BICD2: variants seen among roughly 807,000 people sequenced by gnomAD.
BICD2 encodes the protein BICD cargo adaptor 2.
In BICD2, 25 loss-of-function variants were observed where a neutral mutation model predicts 72.9. The ratio of observed to expected loss-of-function variants is 0.34; its 90% CI spans 0.25 to 0.48. BICD2 has a LOEUF of 0.48. Ranked by LOEUF, BICD2 falls within the 20% of genes least tolerant of loss-of-function variation. BICD2 has a pLI of 0.99. For missense variants in BICD2, 894 were observed against 1,175.2 expected, an observed-to-expected ratio of 0.76 and a Z score of 3.50; for synonymous variants, 501 against 516.1, an observed-to-expected ratio of 0.97 and a Z score of 0.40.
chr9:92,718,269 G>A (rs183118061), intron 5 of BICD2, among the ~76,000 whole-genome samples: 14 of 152,332 alleles, frequency 9.2e-5, no homozygotes, highest in East Asian at 5.8e-4. Flanking sequence ...GAAGCACTAC[G>A]AGGCAGTCAC....
At chr9:92,750,410 G>A (rs1419498411) in intron 1 of BICD2, among the ~76,000 whole-genome samples, 2 of 151,644 alleles carry the variant, frequency 1.3e-5, no homozygotes, top group Non-Finnish European at 2.9e-5. Context: ...CTTTCAATAG[G>A]TGAACAGATA....
At chr9:92,717,396 G>T (rs1853339092) in intron 6 of BICD2, among the ~76,000 whole-genome samples, 1 of 152,244 alleles carries the variant, frequency 6.6e-6, no homozygotes, top group African/African-American at 2.4e-5. Context: ...GGCTCCTGGG[G>T]GCTGGGCTAG....
chr9:92,747,987 T>C (rs1366578445), intron 1 of BICD2, among the ~76,000 whole-genome samples: 4 of 152,150 alleles, frequency 2.6e-5, no homozygotes, highest in Non-Finnish European at 5.9e-5. Flanking sequence ...GTGCAGAATA[T>C]GAATATGGCT....
At position 92,719,167 on chromosome 9, in the gene BICD2, C is replaced by A. The variant is rs756162689; in HGVS notation, c.1478G>T (p.Arg493Leu). Reference sequence around the variant, plus strand: ...CCGGGCCAGCAGCTCGCGGTCCTGGCGGCTGGCCTTCTCTAGCAGGGAGAC... The same window carrying A: ...CCGGGCCAGCAGCTCGCGGTCCTGGAGGCTGGCCTTCTCTAGCAGGGAGAC... ...EKVSLLEKASRQDRELLARLE... is the reference protein window; with the variant it reads ...EKVSLLEKASLQDRELLARLE... Residue 493 changes from arginine to leucine, a missense_variant, in exon 5 of 7, where the codon CGC (arginine) becomes CTC (leucine). This residue lies in a region of BICD2 where 371 missense variants were observed against 439.1 expected (regional missense o/e 0.84). Coordinates refer to ENST00000356884, the MANE Select transcript of BICD2 (RefSeq NM_001003800.2). 74 of 1,610,952 alleles carry A rather than the reference C, an allele frequency of 4.6e-5. No homozygotes were observed. The highest frequency in any genetic ancestry group is 5.6e-5 in the Non-Finnish European group (66 of 1,179,990).
rs150861652 is a variant in BICD2, at chr9:92,718,822, G to A, written c.1823C>T (p.Ser608Leu). 101 of 1,612,110 alleles carry A rather than the reference G, an allele frequency of 6.3e-5. No individual in the cohort carries two copies. The highest frequency in any genetic ancestry group is 5.0e-4 in the Middle Eastern group (3 of 6,020). The change falls in exon 5 of 7, where the codon TCG becomes TTG. Residue 608 changes from serine (S) to leucine (L), a missense_variant. Around this residue, in one of 5 missense-constraint regions of BICD2, gnomAD observed 321 missense variants for 443.9 expected, o/e 0.72. Coordinates refer to ENST00000356884, the MANE Select transcript of BICD2 (RefSeq NM_001003800.2). ...ADGGTGDSSP[S>L]PGSSLPSPLS... ...GGGTGATGGCAGTGAGGAGCCAGGC[G>A]AGGGGCTGCTGTCCCCCGTCCCACC... is the stretch of plus-strand genomic sequence containing the variant.
At chr9:92,745,456 CCT>C (rs1342820870) in intron 1 of BICD2, among the ~76,000 whole-genome samples, 2 of 151,742 alleles carry the variant, frequency 1.3e-5, no homozygotes, top group Non-Finnish European at 2.9e-5. Context: ...AGGGGGGTCC[CCT>C]GTCCTGAGGC....
At chr9:92,722,315 A>G (rs1853479332) in intron 3 of BICD2, among the ~76,000 whole-genome samples, 1 of 152,180 alleles carries the variant, frequency 6.6e-6, no homozygotes, top group South Asian at 2.1e-4. Flanking sequence ...GGAATATTGC[A>G]GGCCTCATGG....
chr9:92,720,213 T>C lies in BICD2; in HGVS notation c.1062+87A>G. On this transcript the variant is annotated intron_variant, in intron 4 of 6. Transcript: ENST00000356884. This position sits in a 1 kb window ranked among gnomAD's most constrained non-coding sequence, Gnocchi z 5.4. Reference sequence around the variant, plus strand: ...ACGTAAGGAAAAGGGAAAGTTAACATCAGCAGAGTGTCAGGTAAGCACTGC... The same window carrying C: ...ACGTAAGGAAAAGGGAAAGTTAACACCAGCAGAGTGTCAGGTAAGCACTGC... The C allele has an allele frequency of 7.8e-7, 1 of 1,288,350 alleles. No individual in the cohort carries two copies. The highest frequency in any genetic ancestry group is 1.5e-5 in the South Asian group (1 of 67,930). 79.8% of individuals were successfully genotyped at this position (1,288,350 alleles called of 1,614,324 possible).
intron 3 of BICD2, among the ~76,000 whole-genome samples, chr9:92,721,187 TAA>T (rs1232322188): frequency 2.6e-5 from 4 of 152,364 alleles, no homozygotes; most frequent in Middle Eastern, 3.4e-3. Flanking sequence ...AAAAATTCTA[TAA>T]AGTTATTTAA....
At chr9:92,731,150 AC>A (rs1237726319) in intron 1 of BICD2, among the ~76,000 whole-genome samples, 1 of 152,222 alleles carries the variant, frequency 6.6e-6, no homozygotes, top group Non-Finnish European at 1.5e-5. Context: ...GCAGCGCCAG[AC>A]CATCTGGGCC....
At chr9:92,732,071 G>A (rs181601046) in intron 1 of BICD2, among the ~76,000 whole-genome samples, 145 of 152,344 alleles carry the variant, frequency 9.5e-4, no homozygotes, top group Middle Eastern at 3.4e-3. Flanking sequence ...CAACAGGTGA[G>A]GTCCACTGGC....
rs1198444604 is a variant in BICD2 at position 92,764,628 on chromosome 9, C to G, written c.117G>C (p.Glu39Asp). ...LSHELAETTR[E>D]KIQAAEYGLA... is the part of the protein sequence containing the mutation. Reference sequence around the variant, plus strand: ...GCCCGTACTCGGCCGCCTGGATCTTCTCACGCGTGGTCTCGGCCAGCTCGT... The same window carrying G: ...GCCCGTACTCGGCCGCCTGGATCTTGTCACGCGTGGTCTCGGCCAGCTCGT... The change falls in exon 1 of 7, where the codon GAG becomes GAC. Residue 39 changes from glutamate to aspartate, a missense_variant. This residue lies in a region of BICD2 where 192 missense variants were observed against 243.6 expected (regional missense o/e 0.79). Coordinates refer to ENST00000356884, the MANE Select transcript of BICD2 (RefSeq NM_001003800.2). The surrounding 1 kb of genome is among the most constrained non-coding windows in gnomAD (Gnocchi z 5.5). The G allele has an allele frequency of 6.3e-7, 1 of 1,594,768 alleles. No homozygotes were observed. Among genetic ancestry groups the G allele is most frequent in the Non-Finnish European group, 8.5e-7 (1 of 1,172,094 alleles).
In BICD2 at chr9:92,720,727, A is replaced by T; in HGVS notation, c.635T>A (p.Ile212Asn). ...CTCGGTCTCCTCCTCCAGACGCTTG[A>T]TCTCATGCTTGAGGCCCTCAAACTC... is the stretch of plus-strand genomic sequence containing the variant. Reference protein sequence around the residue: ...QVEFEGLKHEIKRLEEETEYL... With the variant: ...QVEFEGLKHENKRLEEETEYL... Residue 212 changes from isoleucine (I) to asparagine (N), a missense_variant, in exon 4 of 7, where the codon ATC becomes AAC. Ile to Asn is a moderately radical substitution (Grantham distance 149). Coordinates refer to ENST00000356884, the MANE Select transcript of BICD2 (RefSeq NM_001003800.2). The surrounding 1 kb of genome is among the most constrained non-coding windows in gnomAD (Gnocchi z 5.4). 1 of 1,613,980 alleles carries T rather than the reference A, an allele frequency of 6.2e-7. No homozygotes were observed. The highest frequency in any genetic ancestry group is 2.2e-5 in the East Asian group (1 of 44,866).
chr9:92,716,576 C>A (rs1238563336), intron 6 of BICD2, among the ~76,000 whole-genome samples: 1 of 152,206 alleles, frequency 6.6e-6, no homozygotes, highest in Non-Finnish European at 1.5e-5. Flanking sequence ...GCTTGCTCAC[C>A]CATAAAAAGG....
chr9:92,739,759 C>T (rs1233743865), intron 1 of BICD2, among the ~76,000 whole-genome samples: 1 of 152,230 alleles, frequency 6.6e-6, no homozygotes, highest in Non-Finnish European at 1.5e-5. Flanking sequence ...GGTTTCAACA[C>T]TTGATGGAGT....
chr9:92,718,515 T>C, intron 5 of BICD2, 24 bp downstream of exon 5: 1 of 1,589,280 alleles, frequency 6.3e-7, no homozygotes. Flanking sequence ...AGGTGACATG[T>C]GCCCCTGCTG....
chr9:92,720,426 T>TGGC lies in BICD2; in HGVS notation c.933_935dup (p.Pro312dup). 2.5e-6 allele frequency: 4 copies of TGGC among 1,614,156 alleles called. No homozygotes were observed. The highest frequency in any genetic ancestry group is 3.4e-6 in the Non-Finnish European group (4 of 1,180,032). On this transcript the variant is annotated inframe_insertion, in exon 4 of 7. Coordinates refer to ENST00000356884, the MANE Select transcript of BICD2 (RefSeq NM_001003800.2). This position sits in a 1 kb window ranked among gnomAD's most constrained non-coding sequence, Gnocchi z 5.4. The stretch of plus-strand genomic sequence containing the variant: ...TGGGCGTGGAGGTCTTGTTGTCCAG[T>TGGC]GGCAGCTTGGCCAGGCCGCCGTGCT...
chr9:92,728,998 G>A lies in BICD2; in HGVS notation c.453+26C>T, dbSNP rs1020611704. 5.7e-5 allele frequency: 92 copies of A among 1,609,216 alleles called. No homozygotes were observed. In the Admixed American group the frequency reaches 1.5e-3, roughly 26 times the overall value. On this transcript the variant is annotated intron_variant, in intron 2 of 6. Transcript: ENST00000356884. ...CACTGGTGGCACTGCTGCAGCCACAGACTAGGCCCCTCCTCACCCCCTCAC... is the reference window on the plus strand; with the variant it reads ...CACTGGTGGCACTGCTGCAGCCACAAACTAGGCCCCTCCTCACCCCCTCAC...
At chr9:92,722,911 A>C in intron 2 of BICD2, 103 bp from the exon 3 acceptor site, 2 of 1,447,340 alleles carry the variant, frequency 1.4e-6, no homozygotes, top group African/African-American at 1.4e-5. Context: ...GCCAGAACTC[A>C]AGAGCCCTGG....
Sources: gnomAD v4.1 joint callset for allele counts (sites outside exome capture counted in the v4.1 genomes callset) on GRCh38, gnomAD v4.1.1 for gene constraint, gnomAD v4.1.1 regional missense constraint, Gnocchi (gnomAD v3.1) non-coding constraint, MANE v1.5 for transcripts, NCBI Gene and HGNC (gene_info 2026-07-23, HGNC 2026-07-21) for gene names.